The following SLC26A3 variants were observed in gnomAD, a reference collection of about 807,000 sequenced individuals.
SLC26A3 encodes chloride anion exchanger.
Under a neutral mutation model 85.6 loss-of-function variants are expected in SLC26A3, and 64 were observed. That is an observed-to-expected ratio of 0.75 (90% CI 0.61 to 0.92). The LOEUF is 0.92. Among genes scored for constraint, SLC26A3 ranks in the 40% least tolerant of loss-of-function variants. SLC26A3 has a pLI of 0.00. For synonymous variants in SLC26A3, 349 were observed against 336.0 expected, an observed-to-expected ratio of 1.04 and a Z score of -0.42; for missense variants, 922 against 927.3, an observed-to-expected ratio of 0.99 and a Z score of 0.07.
intron 18 of SLC26A3, 104 bp from the exon 19 acceptor site, chr7:107,768,012 A>G (rs528896932): frequency 1.9e-6 from 2 of 1,048,576 alleles, no homozygotes; most frequent in Admixed American, 3.9e-5. Flanking sequence ...TGTGCGTTTC[A>G]TTGACATTTG....
rs1324556812 is a variant in SLC26A3, at chr7:107,765,841, G to A, written c.*14C>T. On this transcript the variant is annotated 3_prime_UTR_variant, in exon 21 of 21. Transcript: ENST00000340010. ...GTCATAGTCAGATGAAGATCCTTCT[G>A]AATTATATGTTGATTAGAATTTTGT... The A allele has an allele frequency of 2.5e-6, 4 of 1,603,560 alleles. No individual in the cohort carries two copies. Among genetic ancestry groups the A allele is most frequent in the Admixed American group, 3.3e-5 (2 of 59,880 alleles).
At chr7:107,792,460 A>C (rs1296081438) in intron 3 of SLC26A3, among the ~76,000 whole-genome samples, 2 of 152,000 alleles carry the variant, frequency 1.3e-5, no homozygotes, top group African/African-American at 2.4e-5. Context: ...TTAGATTCTC[A>C]TAAGGAGCAT....
At chr7:107,802,070 C>T (rs576305584) in intron 1 of SLC26A3, among the ~76,000 whole-genome samples, 10 of 137,774 alleles carry the variant, frequency 7.3e-5, no homozygotes, top group African/African-American at 1.1e-4. Flanking sequence ...CCAGCCTGGG[C>T]GACAGAGTGA....
At chr7:107,802,517 AC>A (rs1328826738) in intron 1 of SLC26A3, among the ~76,000 whole-genome samples, 3 of 151,654 alleles carry the variant, frequency 2.0e-5, no homozygotes, top group Non-Finnish European at 4.4e-5. Flanking sequence ...TCACTTCTAG[AC>A]CATATGTCCC....
At chr7:107,768,967 T>C (rs1326907989) in intron 18 of SLC26A3, among the ~76,000 whole-genome samples, 1 of 152,110 alleles carries the variant, frequency 6.6e-6, no homozygotes, top group Non-Finnish European at 1.5e-5. Context: ...TGATAATCTT[T>C]GATAAAGACT....
chr7:107,782,645 T>C (rs1794230668), intron 11 of SLC26A3, 152 bp downstream of exon 11: 1 of 764,056 alleles, frequency 1.3e-6, no homozygotes, highest in African/African-American at 1.7e-5. Context: ...AAAAGAAATA[T>C]TTTTGGCTCA....
chr7:107,789,294 T>A lies in SLC26A3; in HGVS notation c.735+230A>T, dbSNP rs1268584941. 2.6e-5 allele frequency among the ~76,000 whole-genome samples: 4 copies of A among 151,354 alleles called. No homozygotes were observed. The East Asian group carries it at 7.8e-4, about 30-fold the overall frequency. Reference sequence around the variant, plus strand: ...ACCATGCCCGGCTATTTTTTTTTTTTAATTTTTAGTAGAGACGGGGTTTCA... The same window carrying A: ...ACCATGCCCGGCTATTTTTTTTTTTAAATTTTTAGTAGAGACGGGGTTTCA... On this transcript the variant is annotated intron_variant, in intron 6 of 20. Coordinates refer to ENST00000340010, the MANE Select transcript of SLC26A3 (RefSeq NM_000111.3).
At position 107,770,078 on chromosome 7, in the gene SLC26A3, T is replaced by TTTTC. The variant is rs368905257; in HGVS notation, c.2062+1972_2062+1975dup. On this transcript the variant is annotated intron_variant, in intron 18 of 20. Coordinates refer to ENST00000340010, the MANE Select transcript of SLC26A3 (RefSeq NM_000111.3). ...TTTTCTTTCTTTTTCTTTCTCTCTT[T>TTTTC]TTTCTTTCTTTCTTTCTTATTTCGT... 1.7e-3 allele frequency among the ~76,000 whole-genome samples: 248 copies of TTTTC among 146,598 alleles called. 1 individual carries two copies. The highest frequency in any genetic ancestry group is 3.4e-3 in the Middle Eastern group (1 of 292).
At chr7:107,769,572 A>G (rs749216276) in intron 18 of SLC26A3, among the ~76,000 whole-genome samples, 85 of 152,110 alleles carry the variant, frequency 5.6e-4, no homozygotes, top group Admixed American at 3.3e-4. Flanking sequence ...ACTGGGGCCT[A>G]TCGGAGGGTG....
intron 6 of SLC26A3, among the ~76,000 whole-genome samples, chr7:107,787,919 A>G (rs1440397243): frequency 6.6e-6 from 1 of 152,210 alleles, no homozygotes; most frequent in African/African-American, 2.4e-5. Flanking sequence ...TTTGCTTAGT[A>G]TGCTCAATTC....
intron 1 of SLC26A3, among the ~76,000 whole-genome samples, chr7:107,795,661 A>G (rs538369783): frequency 7.6e-4 from 115 of 152,242 alleles, no homozygotes; most frequent in African/African-American, 2.7e-3. Context: ...TCTCTTTTCT[A>G]TGTCATGCAG....
At chr7:107,792,982 GA>G (rs1177344592) in intron 3 of SLC26A3, among the ~76,000 whole-genome samples, 1 of 152,078 alleles carries the variant, frequency 6.6e-6, no homozygotes, top group African/African-American at 2.4e-5. Flanking sequence ...TAAACACCTG[GA>G]AAAAATATTC....
At position 107,773,417 on chromosome 7, in the gene SLC26A3, T is replaced by A. The variant is rs75478471; in HGVS notation, c.2007+503A>T. Among the ~76,000 whole-genome samples the A allele has an allele frequency of 1.8e-3, 272 of 152,348 alleles. 4 individuals carry two copies. In the East Asian group the frequency reaches 0.045, roughly 25 times the overall value. On this transcript the variant is annotated intron_variant, in intron 17 of 20. Transcript: ENST00000340010. ...ACTGTAGATTTGATTCCCTTCAATA[T>A]AGTACCCAGTCTCATGGAAAAATGC...
At chr7:107,774,197 A>T (rs372619256) in intron 16 of SLC26A3, 44 bp from the exon 17 acceptor site, 7 of 1,450,900 alleles carry the variant, frequency 4.8e-6, no homozygotes, top group Non-Finnish European at 5.8e-6. Flanking sequence ...ACCAAGAAAA[A>T]CATTGTGTAT....
chr7:107,785,842 T>C (rs185114911), intron 8 of SLC26A3, among the ~76,000 whole-genome samples: 1 of 152,288 alleles, frequency 6.6e-6, no homozygotes, highest in African/African-American at 2.4e-5. Context: ...AATGCTGATT[T>C]CTCGAATTCT....
intron 1 of SLC26A3, among the ~76,000 whole-genome samples, chr7:107,801,230 TC>T (rs1562884330): frequency 6.6e-6 from 1 of 152,166 alleles, no homozygotes; most frequent in Non-Finnish European, 1.5e-5. Flanking sequence ...AGAAGCCACA[TC>T]TAGTGAATAA....
Position 107,789,601 on chromosome 7 carries a change from G to C in SLC26A3, c.658C>G (p.His220Asp), listed in dbSNP as rs751500825. Residue 220 changes from histidine to aspartate, a missense_variant, in exon 6 of 21, where the codon CAT becomes GAT. His to Asp is a moderately conservative substitution (Grantham distance 81, BLOSUM62 -1). Transcript: ENST00000340010. ...AATTTGAGTTGGGAAACCAAAACAT[G>C]AACAGCAGCAGCAGTAGTGAAGCCA... is the stretch of plus-strand genomic sequence containing the variant. ...ISGFTTAAAV[H>D]VLVSQLKFIF... is the part of the protein sequence containing the mutation. The C allele has an allele frequency of 6.2e-7, 1 of 1,613,976 alleles. No individual in the cohort carries two copies. The highest frequency in any genetic ancestry group is 8.5e-7 in the Non-Finnish European group (1 of 1,179,920).
Position 107,791,199 on chromosome 7 carries a change from G to A in SLC26A3, c.419C>T (p.Ala140Val). ...TGCTTTTGAAACTGCTCCTGAAACT[G>A]CTAGTCCCACCATCATACTCAGAAT... ...FPILSMMVGL[A>V]VSGAVSKAVP... is the part of the protein sequence containing the mutation. The change falls in exon 5 of 21, where the codon GCA becomes GTA. Residue 140 changes from alanine (A) to valine (V), a missense_variant. Coordinates refer to ENST00000340010, the MANE Select transcript of SLC26A3 (RefSeq NM_000111.3). 1.2e-6 allele frequency: 2 copies of A among 1,614,182 alleles called. No individual in the cohort carries two copies. Among genetic ancestry groups the A allele is most frequent in the South Asian group, 1.1e-5 (1 of 91,074 alleles).
chr7:107,801,414 A>T (rs1327813983), intron 1 of SLC26A3, among the ~76,000 whole-genome samples: 2 of 152,102 alleles, frequency 1.3e-5, no homozygotes, highest in Admixed American at 1.3e-4. Context: ...ACAAAACATG[A>T]GCCTGGTGGC....
Sources: gnomAD v4.1 joint callset for allele counts (sites outside exome capture counted in the v4.1 genomes callset) on GRCh38, gnomAD v4.1.1 for gene constraint, MANE v1.5 for transcripts, NCBI Gene and HGNC (gene_info 2026-07-23, HGNC 2026-07-21) for gene names.